Variants in PBX3 observed in about 807,000 individuals in gnomAD.
PBX3 encodes PBX homeobox 3, also known as pre-B-cell leukemia transcription factor 3.
A neutral mutation model predicts 48.5 loss-of-function variants in PBX3; 14 were observed. That is an observed-to-expected ratio of 0.29 (90% CI 0.19 to 0.45). The LOEUF is 0.45. Ranked by LOEUF, PBX3 falls within the 20% of genes least tolerant of loss-of-function variation. PBX3 has a pLI of 1.00. For missense variants in PBX3, 386 were observed against 546.7 expected, an observed-to-expected ratio of 0.71 and a Z score of 2.93; for synonymous variants, 210 against 200.3, an observed-to-expected ratio of 1.05 and a Z score of -0.41.
chr9:125,857,459 C>T (rs940283641), intron 2 of PBX3, among the ~76,000 whole-genome samples: 2 of 152,034 alleles, frequency 1.3e-5, no homozygotes, highest in African/African-American at 4.8e-5. Flanking sequence ...CCATTCTTCC[C>T]TTCTACTCTC....
At chr9:125,770,465 T>C (rs1836912608) in intron 2 of PBX3, among the ~76,000 whole-genome samples, 12 of 152,202 alleles carry the variant, frequency 7.9e-5, no homozygotes, top group Admixed American at 7.2e-4. Context: ...AATCTTGTAT[T>C]ACCTTGAGAT....
At chr9:125,870,395 A>G (rs2132317975) in intron 2 of PBX3, among the ~76,000 whole-genome samples, 1 of 152,246 alleles carries the variant, frequency 6.6e-6, no homozygotes, top group South Asian at 2.1e-4. Flanking sequence ...ATGGTGGCAG[A>G]CGAGAGAATT....
At chr9:125,842,046 A>G (rs150411640) in intron 2 of PBX3, among the ~76,000 whole-genome samples, 19 of 152,274 alleles carry the variant, frequency 1.2e-4, no homozygotes, top group Admixed American at 1.0e-3. Flanking sequence ...TTGTCTCTCA[A>G]CCTCTAATTT....
chr9:125,796,675 A>G (rs1241964108), intron 2 of PBX3, among the ~76,000 whole-genome samples: 1 of 152,142 alleles, frequency 6.6e-6, no homozygotes, highest in African/African-American at 2.4e-5. Context: ...CATCCACTCC[A>G]AGGAGATTTT....
At chr9:125,963,248 TA>T in intron 8 of PBX3, 147 bp downstream of exon 8, 1 of 522,824 alleles carries the variant, frequency 1.9e-6, no homozygotes, top group Non-Finnish European at 3.5e-6. Context: ...TTTAAGAACC[TA>T]AATGCTTGAT....
intron 2 of PBX3, among the ~76,000 whole-genome samples, chr9:125,809,978 T>C (rs2132122355): frequency 6.6e-6 from 1 of 152,342 alleles, no homozygotes. Flanking sequence ...ATGTGAGGAT[T>C]GTTCCAACAT....
intron 5 of PBX3, among the ~76,000 whole-genome samples, chr9:125,956,760 C>G (rs1842318685): frequency 6.6e-6 from 1 of 152,236 alleles, no homozygotes; most frequent in Non-Finnish European, 1.5e-5. Context: ...ATATGCGGCT[C>G]AACAGAGAGG....
At chr9:125,936,709 T>A (rs575562701) in intron 5 of PBX3, among the ~76,000 whole-genome samples, 4 of 152,338 alleles carry the variant, frequency 2.6e-5, no homozygotes, top group Admixed American at 2.6e-4. Flanking sequence ...CTTTGATTCA[T>A]AACTAAGGTT....
At chr9:125,775,580 G>A (rs1028345133) in intron 2 of PBX3, among the ~76,000 whole-genome samples, 2 of 152,120 alleles carry the variant, frequency 1.3e-5, no homozygotes, top group South Asian at 2.1e-4. Context: ...TTCTGGATTC[G>A]TAGTTCTATT....
At chr9:125,904,332 T>C (rs1173902847) in intron 2 of PBX3, among the ~76,000 whole-genome samples, 1 of 151,906 alleles carries the variant, frequency 6.6e-6, no homozygotes, top group Non-Finnish European at 1.5e-5. Context: ...GTTGAAGATT[T>C]ATATTGGTGT....
chr9:125,962,770 G>T (rs1288902884), intron 7 of PBX3, among the ~76,000 whole-genome samples: 1 of 152,174 alleles, frequency 6.6e-6, no homozygotes, highest in South Asian at 2.1e-4. Context: ...TTTGGTTGCT[G>T]TAGATGGAAA....
intron 2 of PBX3, among the ~76,000 whole-genome samples, chr9:125,769,875 C>T (rs1836897575): frequency 6.6e-6 from 1 of 151,924 alleles, no homozygotes; most frequent in African/African-American, 2.4e-5. Flanking sequence ...GATTCTTTGA[C>T]TTTTTTTTAA....
intron 2 of PBX3, among the ~76,000 whole-genome samples, chr9:125,788,467 T>C (rs1837513996): frequency 6.6e-6 from 1 of 152,226 alleles, no homozygotes; most frequent in South Asian, 2.1e-4. Context: ...GTCTGTACTT[T>C]CGTTATAATT....
chr9:125,751,825 C>T (rs747726902), intron 2 of PBX3, among the ~76,000 whole-genome samples: 14 of 152,134 alleles, frequency 9.2e-5, no homozygotes, highest in Non-Finnish European at 1.6e-4. Context: ...CACCTGCATA[C>T]CTCTTTTGGT....
intron 2 of PBX3, among the ~76,000 whole-genome samples, chr9:125,899,628 G>C (rs1840894219): frequency 6.6e-6 from 1 of 151,140 alleles, no homozygotes; most frequent in Non-Finnish European, 1.5e-5. Context: ...CAGTACCTCA[G>C]TTGGCAGAAC....
intron 3 of PBX3, among the ~76,000 whole-genome samples, chr9:125,923,988 C>T (rs548905501): frequency 3.9e-5 from 6 of 152,068 alleles, no homozygotes; most frequent in African/African-American, 1.2e-4. Context: ...CCCCAACCCC[C>T]CTAGTAGCTG....
intron 2 of PBX3, among the ~76,000 whole-genome samples, chr9:125,863,134 G>A (rs1588233386): frequency 6.6e-6 from 1 of 151,972 alleles, no homozygotes; most frequent in Admixed American, 6.5e-5. Context: ...CTGGGTTCCA[G>A]TGATCTGCTT....
intron 2 of PBX3, among the ~76,000 whole-genome samples, chr9:125,818,285 C>A (rs1358377382): frequency 6.6e-6 from 1 of 151,082 alleles, no homozygotes; most frequent in African/African-American, 2.4e-5. Flanking sequence ...ACATTTCTTA[C>A]TTAAGTTATG....
chr9:125,820,697 A>G (rs1416535044), intron 2 of PBX3, among the ~76,000 whole-genome samples: 1 of 152,210 alleles, frequency 6.6e-6, no homozygotes, highest in Non-Finnish European at 1.5e-5. Flanking sequence ...AAGCACCTAG[A>G]TATAGTTAAT....
Sources: gnomAD v4.1 joint callset for allele counts (sites outside exome capture counted in the v4.1 genomes callset) on GRCh38, gnomAD v4.1.1 for gene constraint, MANE v1.5 for transcripts, NCBI Gene and HGNC (gene_info 2026-07-23, HGNC 2026-07-21) for gene names.